Variants in DIAPH2 observed in about 807,000 individuals in gnomAD.
The protein encoded by DIAPH2 is diaphanous related formin 2, also known as protein diaphanous homolog 2.
A neutral mutation model predicts 92.7 loss-of-function variants in DIAPH2; 35 were observed. The observed-to-expected ratio is 0.38, with a 90% CI of 0.29 to 0.50. DIAPH2 has a LOEUF of 0.50. Ranked by LOEUF, DIAPH2 falls within the 20% of genes least tolerant of loss-of-function variation. The pLI, the probability that DIAPH2 is intolerant of heterozygous loss-of-function variation, is 0.94. For synonymous variants in DIAPH2, 301 were observed against 280.4 expected, an observed-to-expected ratio of 1.07 and a Z score of -0.73; for missense variants, 701 against 819.5, an observed-to-expected ratio of 0.86 and a Z score of 1.77.
intron 25 of DIAPH2, among the ~76,000 whole-genome samples, chrX:97,427,318 C>G (rs995774080): frequency 5.4e-5 from 6 of 111,212 alleles, no homozygotes; most frequent in Non-Finnish European, 9.4e-5. Context: ...GTGTTCAAGC[C>G]CCATATCATA....
chrX:97,591,563 AATC>A (rs1433251939), intron 26 of DIAPH2, among the ~76,000 whole-genome samples: 1 of 112,151 alleles, frequency 8.9e-6, no homozygotes, highest in African/African-American at 3.2e-5. Context: ...ATGATTATTT[AATC>A]AACAGACAAG....
intron 14 of DIAPH2, among the ~76,000 whole-genome samples, chrX:96,948,233 T>G (rs777029416): frequency 1.8e-5 from 2 of 112,599 alleles, no homozygotes; most frequent in South Asian, 7.3e-4. Context: ...TTGAAACTGC[T>G]TGATGGTTTA....
At chrX:97,027,608 A>AT (rs2066344135) in intron 17 of DIAPH2, among the ~76,000 whole-genome samples, 1 of 112,256 alleles carries the variant, frequency 8.9e-6, no homozygotes, top group Non-Finnish European at 1.9e-5. Flanking sequence ...TGTCTTGGAG[A>AT]TTCACAGAGG....
chrX:97,563,955 G>A (rs759949193), intron 26 of DIAPH2, among the ~76,000 whole-genome samples: 6 of 111,794 alleles, frequency 5.4e-5, no homozygotes, highest in Non-Finnish European at 7.5e-5. Flanking sequence ...CAAGATTAGG[G>A]TCCTCCAGAC....
intron 4 of DIAPH2, among the ~76,000 whole-genome samples, chrX:96,830,021 A>G (rs527621395): frequency 9.0e-6 from 1 of 110,583 alleles, no homozygotes; most frequent in Non-Finnish European, 1.9e-5. Context: ...TATATATATA[A>G]AAAAAGGTTA....
At chrX:96,761,344 G>T (rs1021157894) in intron 4 of DIAPH2, among the ~76,000 whole-genome samples, 47 of 101,017 alleles carry the variant, frequency 4.7e-4, no homozygotes, top group Middle Eastern at 5.2e-3. Flanking sequence ...GGCAGCATTG[G>T]TTTTTTTTTT....
At chrX:97,316,766 T>G (rs2068844279) in intron 23 of DIAPH2, among the ~76,000 whole-genome samples, 1 of 112,082 alleles carries the variant, frequency 8.9e-6, no homozygotes, top group Non-Finnish European at 1.9e-5. Flanking sequence ...TAGACTTTAT[T>G]TACATATTAA....
At chrX:96,870,973 A>G (rs1602581947) in intron 4 of DIAPH2, among the ~76,000 whole-genome samples, 1 of 111,906 alleles carries the variant, frequency 8.9e-6, no homozygotes, top group East Asian at 2.8e-4. Flanking sequence ...CAGAGAGGGA[A>G]ACCATTTTAT....
intron 16 of DIAPH2, among the ~76,000 whole-genome samples, chrX:96,964,666 C>T (rs2147825043): frequency 9.0e-6 from 1 of 111,265 alleles, no homozygotes; most frequent in African/African-American, 3.3e-5. Flanking sequence ...TAAGACAGTA[C>T]CTGACACAAC....
chrX:97,260,328 A>T (rs2068278630), intron 23 of DIAPH2, among the ~76,000 whole-genome samples: 1 of 112,680 alleles, frequency 8.9e-6, no homozygotes, highest in Admixed American at 9.4e-5. Context: ...TACATAAGCA[A>T]CTATGGCAGG....
chrX:97,315,666 A>ATTT (rs5903074), intron 23 of DIAPH2, among the ~76,000 whole-genome samples: 16 of 101,029 alleles, frequency 1.6e-4, no homozygotes, highest in South Asian at 4.5e-4. Flanking sequence ...TCTTTTAACC[A>ATTT]TTTTTTTTTT....
chrX:97,476,302 G>C (rs2070602596), intron 26 of DIAPH2, among the ~76,000 whole-genome samples: 1 of 111,932 alleles, frequency 8.9e-6, no homozygotes, highest in East Asian at 2.8e-4. Flanking sequence ...CACATTAGTG[G>C]TAGAAAGTGT....
intron 8 of DIAPH2, among the ~76,000 whole-genome samples, chrX:96,917,140 A>G (rs1441702186): frequency 1.8e-5 from 2 of 111,607 alleles, no homozygotes; most frequent in Non-Finnish European, 3.8e-5. Context: ...TGGAAATAAT[A>G]TTGAATCAGA....
At chrX:97,411,478 GAAGAAA>G (rs2147759483) in intron 25 of DIAPH2, among the ~76,000 whole-genome samples, 1 of 111,926 alleles carries the variant, frequency 8.9e-6, no homozygotes, top group Admixed American at 9.5e-5. Flanking sequence ...TCGAGGCTAG[GAAGAAA>G]CTGCATCAAC....
chrX:97,094,030 A>T (rs1484532988), intron 19 of DIAPH2, among the ~76,000 whole-genome samples: 1 of 111,951 alleles, frequency 8.9e-6, no homozygotes, highest in Non-Finnish European at 1.9e-5. Flanking sequence ...AGCTTAGAAG[A>T]TGAAAAGGAT....
At chrX:97,012,459 GT>G (rs1014201357) in intron 17 of DIAPH2, among the ~76,000 whole-genome samples, 4 of 112,110 alleles carry the variant, frequency 3.6e-5, no homozygotes, top group African/African-American at 1.3e-4. Flanking sequence ...AGCTGGGACA[GT>G]TTGACTCTAG....
intron 3 of DIAPH2, among the ~76,000 whole-genome samples, chrX:96,743,034 T>A (rs1003466861): frequency 8.9e-6 from 1 of 112,513 alleles, no homozygotes; most frequent in Non-Finnish European, 1.9e-5. Context: ...CGTACATTTC[T>A]ATTTTGTGGT....
intron 24 of DIAPH2, among the ~76,000 whole-genome samples, chrX:97,364,046 T>C (rs751726482): frequency 1.3e-4 from 14 of 111,942 alleles, no homozygotes; most frequent in African/African-American, 4.5e-4. Flanking sequence ...ATGCCTTAAT[T>C]CAGCAGAGCA....
rs1470137943 is a variant in DIAPH2 at position 96,758,149 on chromosome X, T to C, written c.343-5T>C. 8.4e-7 allele frequency: 1 copy of C among 1,189,249 alleles called. No individual in the cohort carries two copies. The highest frequency in any genetic ancestry group is 1.1e-6 in the Non-Finnish European group (1 of 885,945). On this transcript the variant is annotated splice_region_variant and splice_polypyrimidine_tract_variant and intron_variant, in intron 3 of 26. Coordinates refer to ENST00000324765, the MANE Select transcript of DIAPH2 (RefSeq NM_006729.5). ...AATGCCCACAGTAAATGTTATCTCT[T>C]ACAGGAGGACATGAACCTTAACGAA...
Sources: gnomAD v4.1 joint callset for allele counts (sites outside exome capture counted in the v4.1 genomes callset) on GRCh38, gnomAD v4.1.1 for gene constraint, MANE v1.5 for transcripts, NCBI Gene and HGNC (gene_info 2026-07-23, HGNC 2026-07-21) for gene names.